SLC4A8: variants seen among roughly 807,000 people sequenced by gnomAD.
The protein encoded by SLC4A8 is electroneutral sodium bicarbonate exchanger 1.
In SLC4A8, 40 loss-of-function variants were observed where a neutral mutation model predicts 125.0. The observed-to-expected ratio is 0.32, with a 90% CI of 0.25 to 0.42. SLC4A8 has a LOEUF of 0.42. SLC4A8 is among the 10% of genes least tolerant of loss of function. The pLI, the probability that SLC4A8 is intolerant of heterozygous loss-of-function variation, is 1.00. For missense variants in SLC4A8, 863 were observed against 1,355.1 expected, an observed-to-expected ratio of 0.64 and a Z score of 5.70; for synonymous variants, 456 against 476.0, an observed-to-expected ratio of 0.96 and a Z score of 0.55.
chr12:51,465,077 A>T (rs1057153660), intron 11 of SLC4A8, among the ~76,000 whole-genome samples: 2 of 152,078 alleles, frequency 1.3e-5, no homozygotes, highest in South Asian at 4.2e-4. Flanking sequence ...AGAGATCTGA[A>T]TTGGGTGGGG....
At position 51,459,951 on chromosome 12, in the gene SLC4A8, G is replaced by T. The variant is rs1299460297; in HGVS notation, c.856G>T (p.Val286Leu). ...TCAGATGTTTCTTTTGGACTTTCAGGTAGACCTTCATTTCATGAAAAAAAT... is the reference window on the plus strand; with the variant it reads ...TCAGATGTTTCTTTTGGACTTTCAGTTAGACCTTCATTTCATGAAAAAAAT... The part of the protein sequence containing the change: ...CEHSPVDLSK[V>L]DLHFMKKIPT... The change falls in exon 8 of 25, where the codon GTA becomes TTA. Residue 286 changes from valine (V) to leucine (L), a missense_variant and splice_region_variant. Transcript: ENST00000453097. The T allele has an allele frequency of 1.2e-6, 2 of 1,612,044 alleles. No homozygotes were observed. The highest frequency in any genetic ancestry group is 1.7e-6 in the Non-Finnish European group (2 of 1,179,080).
chr12:51,411,705 G>A (rs1477879134), intron 1 of SLC4A8, among the ~76,000 whole-genome samples: 1 of 152,054 alleles, frequency 6.6e-6, no homozygotes, highest in Non-Finnish European at 1.5e-5. Flanking sequence ...ATTTAAAGCT[G>A]TAAAATATGT....
intron 16 of SLC4A8, among the ~76,000 whole-genome samples, chr12:51,476,436 G>A (rs906336049): frequency 1.5e-4 from 23 of 151,878 alleles, no homozygotes; most frequent in African/African-American, 4.4e-4. Context: ...AGCTGTGATT[G>A]CACCACTGCA....
At chr12:51,447,486 A>G (rs1949810316) in intron 2 of SLC4A8, among the ~76,000 whole-genome samples, 1 of 152,144 alleles carries the variant, frequency 6.6e-6, no homozygotes, top group Admixed American at 6.5e-5. Flanking sequence ...TGCATCTTGA[A>G]TAAGTGAGCC....
At chr12:51,471,705 CAA>C (rs754746731) in intron 14 of SLC4A8, 173 bp downstream of exon 14, 37 of 667,802 alleles carry the variant, frequency 5.5e-5, no homozygotes, top group Non-Finnish European at 8.5e-5. Flanking sequence ...GGAGAACAAT[CAA>C]AAGTGTTGAC....
At chr12:51,460,248 G>GTGC in intron 8 of SLC4A8, 140 bp downstream of exon 8, 2 of 744,088 alleles carry the variant, frequency 2.7e-6, no homozygotes, top group East Asian at 2.7e-5. Context: ...AAAGCCAGAT[G>GTGC]TGCTGGTGTG....
Position 51,515,534 on chromosome 12 carries a change from C to A in SLC4A8, c.*8096C>A, listed in dbSNP as rs1938502245. On this transcript the variant is annotated 3_prime_UTR_variant, in exon 25 of 25. Coordinates refer to ENST00000453097, the MANE Select transcript of SLC4A8 (RefSeq NM_001039960.3). ...TATATTTTTAGTGTAAGAAATGTAC[C>A]CTCTCCACACTCCATGATGTAAATA... The A allele has an allele frequency of 2.0e-5, 3 of 151,558 alleles. No homozygotes were observed. The highest frequency in any genetic ancestry group is 7.3e-5 in the African/African-American group (3 of 41,224). 9.4% of individuals were successfully genotyped at this position (151,558 alleles called of 1,614,324 possible).
intron 1 of SLC4A8, among the ~76,000 whole-genome samples, chr12:51,406,486 G>A (rs761347852): frequency 6.6e-6 from 1 of 152,208 alleles, no homozygotes; most frequent in Non-Finnish European, 1.5e-5. Context: ...AGAGGGGTGT[G>A]TGTAGGAGGC....
intron 19 of SLC4A8, 79 bp downstream of exon 19, chr12:51,490,030 G>T: frequency 7.3e-7 from 1 of 1,376,960 alleles, no homozygotes; most frequent in Non-Finnish European, 1.0e-6. Flanking sequence ...TGGAAATACA[G>T]TGGTGCCAAA....
intron 13 of SLC4A8, among the ~76,000 whole-genome samples, 164 bp from the exon 14 acceptor site, chr12:51,471,123 T>C (rs539196536): frequency 2.8e-4 from 43 of 152,272 alleles, no homozygotes; most frequent in African/African-American, 1.0e-3. Flanking sequence ...CAAATCTGTA[T>C]CATAACTGTG....
At chr12:51,441,943 G>A (rs932133363) in intron 2 of SLC4A8, among the ~76,000 whole-genome samples, 6 of 152,188 alleles carry the variant, frequency 3.9e-5, no homozygotes, top group Admixed American at 1.3e-4. Context: ...GAACATGTGA[G>A]TTGCAGCAGT....
Position 51,480,960 on chromosome 12 carries a change from G to A in SLC4A8, c.2173-4827G>A, listed in dbSNP as rs1391315386. Among the ~76,000 whole-genome samples the A allele has an allele frequency of 2.0e-5, 3 of 152,302 alleles. No homozygotes were observed. The East Asian group carries it at 5.8e-4, about 29-fold the overall frequency. ...GTTCATAGTGAGAACACCTGGGCTT[G>A]TAACTTGCCTCCACTTTTAAGTGTG... On this transcript the variant is annotated intron_variant, in intron 16 of 24. Coordinates refer to ENST00000453097, the MANE Select transcript of SLC4A8 (RefSeq NM_001039960.3).
At chr12:51,460,182 T>G (rs1387819836) in intron 8 of SLC4A8, 74 bp downstream of exon 8, 2 of 1,142,450 alleles carry the variant, frequency 1.8e-6, no homozygotes, top group Middle Eastern at 2.0e-4. Context: ...AGAAACCACT[T>G]AATACTGAAA....
intron 1 of SLC4A8, chr12:51,425,383 T>C (rs1367431068): frequency 7.1e-6 from 8 of 1,125,680 alleles, no homozygotes; most frequent in Non-Finnish European, 2.2e-6. Flanking sequence ...TGCCAGAACG[T>C]GGGCAGAAAG....
chr12:51,444,684 C>T (rs1181890910), intron 2 of SLC4A8, among the ~76,000 whole-genome samples: 1 of 152,188 alleles, frequency 6.6e-6, no homozygotes, highest in East Asian at 1.9e-4. Context: ...ACCATCGTGT[C>T]TTTTCTGAAG....
At chr12:51,457,974 G>A (rs771022995) in intron 6 of SLC4A8, among the ~76,000 whole-genome samples, 40 of 152,160 alleles carry the variant, frequency 2.6e-4, no homozygotes, top group Non-Finnish European at 5.3e-4. Context: ...ATGACTTTGG[G>A]CACTCTACTA....
chr12:51,483,472 CTT>C (rs1181427808), intron 16 of SLC4A8, among the ~76,000 whole-genome samples: 1 of 142,116 alleles, frequency 7.0e-6, no homozygotes. Context: ...TTTCTTTTCT[CTT>C]TTTTTTTTTA....
chr12:51,478,298 G>T lies in SLC4A8; in HGVS notation c.2172+3092G>T, dbSNP rs961976643. Among the ~76,000 whole-genome samples, 17 of 151,352 alleles carry T rather than the reference G, an allele frequency of 1.1e-4. 1 individual carries two copies. Among genetic ancestry groups the T allele is most frequent in the Admixed American group, 4.6e-4 (7 of 15,194 alleles). On this transcript the variant is annotated intron_variant, in intron 16 of 24. Transcript: ENST00000453097. ...TCAAAAAAAAAAAAAAATTAGCTGG[G>T]CATGCTGGCAGGTGCCTGTAATCCC... is the stretch of plus-strand genomic sequence containing the variant.
Position 51,409,960 on chromosome 12 carries a change from T to A in SLC4A8, c.-112+18472T>A, listed in dbSNP as rs896549142. 5.3e-5 allele frequency among the ~76,000 whole-genome samples: 8 copies of A among 152,234 alleles called. No homozygotes were observed. In the South Asian group the frequency reaches 6.2e-4, roughly 12 times the overall value. On this transcript the variant is annotated intron_variant, in intron 1 of 24. Coordinates refer to the SLC4A8 transcript ENST00000358657. ...AAATGTCGGGTGCGGGTTCTGCATG[T>A]CTCGTTCCGATGGCTATCTTGATAA... is the stretch of plus-strand genomic sequence containing the variant.
Sources: gnomAD v4.1 joint callset for allele counts (sites outside exome capture counted in the v4.1 genomes callset) on GRCh38, gnomAD v4.1.1 for gene constraint, MANE v1.5 for transcripts, NCBI Gene and HGNC (gene_info 2026-07-23, HGNC 2026-07-21) for gene names.